PCDHGB7: variants seen among roughly 807,000 people sequenced by gnomAD.
PCDHGB7 encodes protocadherin gamma subfamily B, 7, also known as protocadherin gamma-B7.
In PCDHGB7, 37 loss-of-function variants were observed where a neutral mutation model predicts 61.4. The observed-to-expected ratio is 0.60, with a 90% CI of 0.46 to 0.79. The LOEUF (loss-of-function observed/expected upper bound fraction) is 0.79, where lower values mean the gene tolerates loss of function less well. PCDHGB7 is among the 30% of genes least tolerant of loss of function. The probability of loss-of-function intolerance (pLI) is 0.00; values close to 1 mark genes in which losing one functional copy is unlikely to be tolerated. For missense variants in PCDHGB7, 1,166 were observed against 1,202.5 expected (o/e 0.97, Z 0.45); for synonymous variants, 464 against 503.5 (o/e 0.92, Z 1.05).
intron 1 of PCDHGB7, chr5:141,428,680 G>T: frequency 6.1e-6 from 1 of 162,778 alleles, no homozygotes; most frequent in Admixed American, 5.8e-5. Context: ...ATTTACAAAT[G>T]GATGAGGTTT....
intron 1 of PCDHGB7, among the ~76,000 whole-genome samples, chr5:141,454,836 C>T (rs1201514890): frequency 1.3e-4 from 11 of 85,100 alleles, no homozygotes; most frequent in African/African-American, 2.1e-4. Context: ...GAGACAGAGT[C>T]GCGCTCTGTC....
At chr5:141,483,100 G>A (rs1051736065) in intron 1 of PCDHGB7, among the ~76,000 whole-genome samples, 11 of 152,078 alleles carry the variant, frequency 7.2e-5, no homozygotes, top group South Asian at 2.1e-4. Flanking sequence ...AAAAGTGTGC[G>A]TGTAAAACAG....
chr5:141,504,010 C>G (rs980812107), intron 2 of PCDHGB7, among the ~76,000 whole-genome samples: 9 of 152,204 alleles, frequency 5.9e-5, no homozygotes, highest in African/African-American at 1.2e-4. Context: ...TTAACTGTCT[C>G]TGCTGGTCTC....
intron 1 of PCDHGB7, among the ~76,000 whole-genome samples, chr5:141,448,422 T>C (rs1561930551): frequency 3.9e-5 from 6 of 152,150 alleles, no homozygotes; most frequent in Admixed American, 3.3e-4. Flanking sequence ...CAATATACTA[T>C]GTATATATTG....
chr5:141,480,273 G>A (rs2099516030), intron 1 of PCDHGB7, among the ~76,000 whole-genome samples: 1 of 151,956 alleles, frequency 6.6e-6, no homozygotes, highest in Non-Finnish European at 1.5e-5. Flanking sequence ...TCATTAGCTG[G>A]GTGTGTTGGC....
In PCDHGB7 at chr5:141,477,486, C is replaced by T. The variant is rs1472326209; in HGVS notation, c.2416-17321C>T. On this transcript the variant is annotated intron_variant, in intron 1 of 3. Coordinates refer to ENST00000398594, the MANE Select transcript of PCDHGB7 (RefSeq NM_018927.4). This position sits in a 1 kb window ranked among gnomAD's most constrained non-coding sequence, Gnocchi z 4.9. ...GACATCAATGACAACCCTCCACAATCTTCTCAATCTTCCTACGACGTTTAC... is the reference window on the plus strand; with the variant it reads ...GACATCAATGACAACCCTCCACAATTTTCTCAATCTTCCTACGACGTTTAC... 6.2e-7 allele frequency: 1 copy of T among 1,614,052 alleles called. No individual in the cohort carries two copies. The highest frequency in any genetic ancestry group is 1.3e-5 in the African/African-American group (1 of 74,914).
Position 141,486,445 on chromosome 5 carries a change from G to A in PCDHGB7, c.2416-8362G>A. On this transcript the variant is annotated intron_variant, in intron 1 of 3. Coordinates refer to ENST00000398594, the MANE Select transcript of PCDHGB7 (RefSeq NM_018927.4). The surrounding 1 kb of genome is among the most constrained non-coding windows in gnomAD (Gnocchi z 5.0). ...AGGCCAAATCTAGCTATGACATCAT[G>A]GTCACTGCTTCTGATGCTGGGAACC... 6.2e-7 allele frequency: 1 copy of A among 1,613,948 alleles called. No homozygotes were observed. The highest frequency in any genetic ancestry group is 8.5e-7 in the Non-Finnish European group (1 of 1,179,862).
At chr5:141,440,732 A>C (rs2154559008) in intron 1 of PCDHGB7, 1 of 152,346 alleles carries the variant, frequency 6.6e-6, no homozygotes, top group African/African-American at 2.4e-5. Context: ...GTGTTAGAGA[A>C]GCTGCTTGAC....
At chr5:141,498,796 G>A (rs1160540093) in intron 2 of PCDHGB7, among the ~76,000 whole-genome samples, 1 of 152,032 alleles carries the variant, frequency 6.6e-6, no homozygotes, top group Non-Finnish European at 1.5e-5. Context: ...AGCCAGGTGT[G>A]GTGGTGCACA....
intron 1 of PCDHGB7, among the ~76,000 whole-genome samples, chr5:141,456,166 G>A (rs531975607): frequency 6.6e-6 from 1 of 152,148 alleles, no homozygotes; most frequent in African/African-American, 2.4e-5. Flanking sequence ...TAAAGTGCTG[G>A]GATTACAGAA....
chr5:141,421,433 C>A lies in PCDHGB7; in HGVS notation c.2415+1159C>A, dbSNP rs772564300. 5 of 1,614,074 alleles carry A rather than the reference C, an allele frequency of 3.1e-6. No homozygotes were observed. In the African/African-American group the frequency reaches 4.0e-5, roughly 13 times the overall value. On this transcript the variant is annotated intron_variant, in intron 1 of 3. Coordinates refer to ENST00000398594, the MANE Select transcript of PCDHGB7 (RefSeq NM_018927.4). ...GCGAAGCGCGGAGTCCGCATCGTCTCCAGAGGGAAGACACAGCTTTTCGCT... is the reference window on the plus strand; with the variant it reads ...GCGAAGCGCGGAGTCCGCATCGTCTACAGAGGGAAGACACAGCTTTTCGCT...
intron 1 of PCDHGB7, among the ~76,000 whole-genome samples, chr5:141,446,948 T>C (rs1166868490): frequency 6.6e-6 from 1 of 152,186 alleles, no homozygotes; most frequent in African/African-American, 2.4e-5. Context: ...GTAAGAAACA[T>C]CCAGCACCCA....
chr5:141,470,147 T>A (rs1394329530), intron 1 of PCDHGB7, among the ~76,000 whole-genome samples: 1 of 152,172 alleles, frequency 6.6e-6, no homozygotes. Context: ...AGATCATAGA[T>A]CATCTTATCA....
At chr5:141,473,102 C>T (rs1465515592) in intron 1 of PCDHGB7, among the ~76,000 whole-genome samples, 1 of 152,054 alleles carries the variant, frequency 6.6e-6, no homozygotes, top group Non-Finnish European at 1.5e-5. Flanking sequence ...AGTTGTATTA[C>T]CACACTTTAC....
chr5:141,447,226 G>A (rs746777844), intron 1 of PCDHGB7, among the ~76,000 whole-genome samples: 1 of 151,910 alleles, frequency 6.6e-6, no homozygotes, highest in Non-Finnish European at 1.5e-5. Context: ...TGCAACCTCC[G>A]CCTCCCGGGT....
rs1333951046 is a variant in PCDHGB7, at chr5:141,485,847, C to T, written c.2416-8960C>T. 10 of 1,614,092 alleles carry T rather than the reference C, an allele frequency of 6.2e-6. No individual in the cohort carries two copies. In the African/African-American group the frequency reaches 8.0e-5, roughly 13 times the overall value. On this transcript the variant is annotated intron_variant, in intron 1 of 3. Transcript: ENST00000398594. This position sits in a 1 kb window ranked among gnomAD's most constrained non-coding sequence, Gnocchi z 5.7. ...GGAGGGAACCCGCCGAGATCTGGCA[C>T]CGCAGAGCTCCGGGTATCCGTGCTG...
intron 1 of PCDHGB7, among the ~76,000 whole-genome samples, chr5:141,437,499 CA>C (rs2097890101): frequency 6.6e-6 from 1 of 152,076 alleles, no homozygotes; most frequent in African/African-American, 2.4e-5. Context: ...GATCACTTTT[CA>C]ATGAATTATA....
rs2096395609 is a variant in PCDHGB7 at position 141,419,529 on chromosome 5, A to G, written c.1670A>G (p.Asp557Gly). 2 of 1,612,082 alleles carry G rather than the reference A, an allele frequency of 1.2e-6. No homozygotes were observed. The highest frequency in any genetic ancestry group is 1.7e-6 in the Non-Finnish European group (2 of 1,179,500). The change falls in exon 1 of 4, where the codon GAC becomes GGC. Residue 557 changes from aspartate (D) to glycine (G), a missense_variant. Asp to Gly is a moderately conservative substitution (Grantham distance 94). Transcript: ENST00000398594. ...CGCGTGTTGGTGGGCGACCGTAACG[A>G]CAACGCACCGCGGGTGCTGTACCCT... is the stretch of plus-strand genomic sequence containing the variant. ...SLRVLVGDRN[D>G]NAPRVLYPAL...
chr5:141,423,440 C>T lies in PCDHGB7; in HGVS notation c.2415+3166C>T, dbSNP rs768389351. 27 of 1,613,852 alleles carry T rather than the reference C, an allele frequency of 1.7e-5. No individual in the cohort carries two copies. In the East Asian group the frequency reaches 4.5e-4, roughly 27 times the overall value. ...GAAGGCGGGTTGGCAGGTATGCCCACGTCACATTTTGTAGGCGTGGACGGG... is the reference window on the plus strand; with the variant it reads ...GAAGGCGGGTTGGCAGGTATGCCCATGTCACATTTTGTAGGCGTGGACGGG... On this transcript the variant is annotated intron_variant, in intron 1 of 3. Coordinates refer to ENST00000398594, the MANE Select transcript of PCDHGB7 (RefSeq NM_018927.4).
Sources: gnomAD v4.1 joint callset for allele counts (sites outside exome capture counted in the v4.1 genomes callset) on GRCh38, gnomAD v4.1.1 for gene constraint, Gnocchi (gnomAD v3.1) non-coding constraint, MANE v1.5 for transcripts, NCBI Gene and HGNC (gene_info 2026-07-23, HGNC 2026-07-21) for gene names.